The following ZNF433 variants were observed in gnomAD, a reference collection of about 807,000 sequenced individuals.
ZNF433 encodes the protein zinc finger protein 433.
A neutral mutation model predicts 10.6 loss-of-function variants in ZNF433; 12 were observed. The observed-to-expected ratio is 1.13, with a 90% CI of 0.72 to 1.83. The LOEUF is 1.83. Among genes scored for constraint, ZNF433 ranks in the 40% most tolerant of loss-of-function variants. The pLI is 0.00. For missense variants in ZNF433, 737 were observed against 798.0 expected, an observed-to-expected ratio of 0.92 and a Z score of 0.92; for synonymous variants, 272 against 271.3, an observed-to-expected ratio of 1.00 and a Z score of -0.02.
chr19:12,019,724 A>G (rs1331053006), intron 1 of ZNF433, among the ~76,000 whole-genome samples: 1 of 152,208 alleles, frequency 6.6e-6, no homozygotes, highest in East Asian at 1.9e-4. Flanking sequence ...GCATATATAT[A>G]CATTGAAATA....
intron 1 of ZNF433, chr19:12,021,973 A>G (rs1452253451): frequency 2.2e-6 from 1 of 456,740 alleles, no homozygotes; most frequent in East Asian, 6.9e-5. Flanking sequence ...ACTGGCTGCC[A>G]ATTCAACCGT....
chr19:12,014,933 G>C lies in ZNF433; in HGVS notation c.1925C>G (p.Pro642Arg), dbSNP rs375110241. 1.5e-4 allele frequency: 240 copies of C among 1,613,958 alleles called. No individual in the cohort carries two copies. The highest frequency in any genetic ancestry group is 2.0e-4 in the Non-Finnish European group (232 of 1,179,938). The change falls in exon 4 of 4, where the codon CCC becomes CGC. Residue 642 changes from proline to arginine, a missense_variant. Pro to Arg is a moderately radical substitution (Grantham distance 103). Transcript: ENST00000550507. The part of the protein sequence containing the change: ...RHGRTHTGEK[P>R]YKCNQCGKVF... ...TTTACCACATTGGTTACATTTATAG[G>C]GTTTCTCTCCAGTGTGAGTCCTTCC...
At chr19:12,031,485 A>T (rs1368129456) in intron 1 of ZNF433, among the ~76,000 whole-genome samples, 2 of 151,802 alleles carry the variant, frequency 1.3e-5, no homozygotes, top group African/African-American at 4.8e-5. Flanking sequence ...CCCCTTCTCA[A>T]CTAAAAAAAA....
intron 1 of ZNF433, among the ~76,000 whole-genome samples, chr19:12,022,556 C>T (rs561949086): frequency 4.4e-4 from 67 of 152,160 alleles, no homozygotes; most frequent in Non-Finnish European, 7.2e-4. Context: ...AAAGTGTCAC[C>T]GGAGTAACAG....
At chr19:12,019,871 A>G (rs942362015) in intron 1 of ZNF433, among the ~76,000 whole-genome samples, 1 of 152,214 alleles carries the variant, frequency 6.6e-6, no homozygotes, top group Non-Finnish European at 1.5e-5. Flanking sequence ...TTGTGCAACT[A>G]TACACTTAAA....
At chr19:12,020,443 T>G (rs565235499) in intron 1 of ZNF433, among the ~76,000 whole-genome samples, 2 of 152,252 alleles carry the variant, frequency 1.3e-5, no homozygotes, top group South Asian at 4.1e-4. Flanking sequence ...TGAAAAGTAT[T>G]CATAAAATAA....
Position 12,016,188 on chromosome 19 carries a change from G to C in ZNF433, c.670C>G (p.Gln224Glu). The change falls in exon 4 of 4, where the codon CAA becomes GAA. Residue 224 changes from glutamine (Q) to glutamate (E), a missense_variant. Gln to Glu is a conservative substitution (Grantham distance 29, BLOSUM62 2). Coordinates refer to ENST00000550507, the MANE Select transcript of ZNF433 (RefSeq NM_001308348.2). ...AAGGCTTTACCACACTGTTTACATT[G>C]ATATGGTTTCTCTCCAGTGTGAGTT... is the stretch of plus-strand genomic sequence containing the variant. Reference protein sequence around the residue: ...KRTHTGEKPYQCKQCGKAFSH... With the variant: ...KRTHTGEKPYECKQCGKAFSH... 2 of 1,613,302 alleles carry C rather than the reference G, an allele frequency of 1.2e-6. No individual in the cohort carries two copies. The highest frequency in any genetic ancestry group is 1.7e-6 in the Non-Finnish European group (2 of 1,179,800).
Position 12,035,611 on chromosome 19 carries a change from A to T in ZNF433, c.-72T>A. On this transcript the variant is annotated 5_prime_UTR_variant, in exon 1 of 4. Coordinates refer to ENST00000550507, the MANE Select transcript of ZNF433 (RefSeq NM_001308348.2). ...AGGCGACAGAAGCTATGGCAGAGGC[A>T]CCTGAACCCTCTCGGAGGGGAAAGC... 1.9e-6 allele frequency: 3 copies of T among 1,538,652 alleles called. No individual in the cohort carries two copies. The highest frequency in any genetic ancestry group is 2.6e-6 in the Non-Finnish European group (3 of 1,139,882).
intron 1 of ZNF433, chr19:12,018,730 G>A (rs1974339014): frequency 6.6e-6 from 1 of 152,634 alleles, no homozygotes; most frequent in Admixed American, 6.5e-5. Context: ...TGTTCTGAGT[G>A]CTGCAGCAGA....
chr19:12,020,040 G>C (rs1487673496), intron 1 of ZNF433, among the ~76,000 whole-genome samples: 1 of 152,198 alleles, frequency 6.6e-6, no homozygotes. Flanking sequence ...GGGAGTCCGA[G>C]GTGGGCGGAT....
intron 3 of ZNF433, 65 bp downstream of exon 3, chr19:12,017,811 T>A (rs1725259380): frequency 1.6e-5 from 16 of 977,502 alleles, no homozygotes; most frequent in Non-Finnish European, 2.5e-5. Flanking sequence ...TTTTTTTTTT[T>A]AACATTTTCT....
chr19:12,022,197 A>G (rs1470131723), intron 1 of ZNF433: 3 of 364,616 alleles, frequency 8.2e-6, no homozygotes, highest in Non-Finnish European at 1.7e-5. Flanking sequence ...TTCCTAAACC[A>G]CAAACAATAG....
intron 1 of ZNF433, among the ~76,000 whole-genome samples, chr19:12,021,575 A>G (rs1974496442): frequency 6.6e-6 from 1 of 152,204 alleles, no homozygotes; most frequent in South Asian, 2.1e-4. Flanking sequence ...TGTCGTGAGA[A>G]CTGTAATATA....
chr19:12,015,453 GCAT>G lies in ZNF433; in HGVS notation c.1402_1404del (p.Met468del). ...CATTCATACGGCTTCTCTTCTCTGT[GCAT>G]CCTTTCATGTATTTGAAAGAAAGAG... On this transcript the variant is annotated inframe_deletion, in exon 4 of 4. Coordinates refer to ENST00000550507, the MANE Select transcript of ZNF433 (RefSeq NM_001308348.2). The G allele has an allele frequency of 6.2e-7, 1 of 1,613,954 alleles. No homozygotes were observed. The highest frequency in any genetic ancestry group is 8.5e-7 in the Non-Finnish European group (1 of 1,179,950).
Position 12,035,556 on chromosome 19 carries a change from G to T in ZNF433, c.-17C>A. ...GCTCACCATTTCTTGCCTTTCAGGT[G>T]ACTCCCACGACCAGTGCGGGTCACA... On this transcript the variant is annotated 5_prime_UTR_variant, in exon 1 of 4. Transcript: ENST00000550507. 3 of 1,568,940 alleles carry T rather than the reference G, an allele frequency of 1.9e-6. No individual in the cohort carries two copies. Among genetic ancestry groups the T allele is most frequent in the Non-Finnish European group, 2.6e-6 (3 of 1,157,138 alleles).
intron 1 of ZNF433, chr19:12,034,855 T>C: frequency 2.2e-6 from 1 of 454,136 alleles, no homozygotes; most frequent in South Asian, 1.6e-5. Flanking sequence ...TGCATGATTC[T>C]CCCTGCAATT....
rs1337499427 is a variant in ZNF433, at chr19:12,034,907, C to T, written c.3+630G>A. On this transcript the variant is annotated intron_variant, in intron 1 of 3. Coordinates refer to ENST00000550507, the MANE Select transcript of ZNF433 (RefSeq NM_001308348.2). The stretch of plus-strand genomic sequence containing the variant: ...GAATAAAAACAGTCTTGAGCCGCCT[C>T]GGGACCACTTACTTCAGGCCTCCTG... The T allele has an allele frequency of 8.8e-6, 4 of 454,530 alleles. No homozygotes were observed. In the Admixed American group the frequency reaches 9.4e-5, roughly 11 times the overall value. 28.2% of individuals were successfully genotyped at this position (454,530 alleles called of 1,614,324 possible).
chr19:12,022,522 A>C (rs1383386971), intron 1 of ZNF433, among the ~76,000 whole-genome samples: 1 of 152,110 alleles, frequency 6.6e-6, no homozygotes, highest in East Asian at 1.9e-4. Flanking sequence ...AGTGGTGTAC[A>C]TGTGTGGGTC....
intron 1 of ZNF433, among the ~76,000 whole-genome samples, chr19:12,020,982 T>TTTC (rs956243053): frequency 6.6e-6 from 1 of 150,854 alleles, no homozygotes; most frequent in African/African-American, 2.4e-5. Flanking sequence ...GTTTTTTTTT[T>TTTC]TTTCTTTTTT....
Sources: gnomAD v4.1 joint callset for allele counts (sites outside exome capture counted in the v4.1 genomes callset) on GRCh38, gnomAD v4.1.1 for gene constraint, MANE v1.5 for transcripts, NCBI Gene and HGNC (gene_info 2026-07-23, HGNC 2026-07-21) for gene names.